Variants in SPEF2 observed in about 807,000 individuals in gnomAD.
SPEF2 encodes the protein sperm flagella and cilia-associated protein 2.
A neutral mutation model predicts 224.6 loss-of-function variants in SPEF2; 187 were observed. The ratio of observed to expected loss-of-function variants is 0.83; its 90% CI spans 0.74 to 0.94. SPEF2 has a LOEUF of 0.94. Ranked by LOEUF, SPEF2 falls within the 40% of genes least tolerant of loss-of-function variation. The probability of loss-of-function intolerance (pLI) is 0.00; values close to 1 mark genes in which losing one functional copy is unlikely to be tolerated. For missense variants in SPEF2, 2,170 were observed against 2,135.6 expected (o/e 1.02, Z -0.32); for synonymous variants, 715 against 707.3 (o/e 1.01, Z -0.17).
At chr5:35,806,539 T>C (rs894880585) in intron 34 of SPEF2, among the ~76,000 whole-genome samples, 168 bp from the exon 35 acceptor site, 9 of 152,232 alleles carry the variant, frequency 5.9e-5, no homozygotes, top group African/African-American at 2.2e-4. Flanking sequence ...TTTGACATTG[T>C]AATTTTCAAG....
chr5:35,628,793 T>G (rs1048899430), intron 2 of SPEF2, among the ~76,000 whole-genome samples: 2 of 152,126 alleles, frequency 1.3e-5, no homozygotes, highest in South Asian at 2.1e-4. Context: ...GGTTTTTCCC[T>G]GTTGCCCAGG....
chr5:35,738,120 T>C (rs1580519472), intron 21 of SPEF2, among the ~76,000 whole-genome samples: 1 of 152,202 alleles, frequency 6.6e-6, no homozygotes, highest in East Asian at 1.9e-4. Context: ...ATTAGCCCTT[T>C]GTCAGATGAG....
At chr5:35,793,685 T>TC (rs1415331920) in intron 32 of SPEF2, among the ~76,000 whole-genome samples, 4 of 151,802 alleles carry the variant, frequency 2.6e-5, no homozygotes, top group Non-Finnish European at 5.9e-5. Flanking sequence ...AGGTCCAATG[T>TC]CCAATACTCT....
At chr5:35,708,629 C>CCAT (rs1170276483) in intron 18 of SPEF2, among the ~76,000 whole-genome samples, 1 of 152,064 alleles carries the variant, frequency 6.6e-6, no homozygotes, top group Non-Finnish European at 1.5e-5. Context: ...ACCTCCACCA[C>CCAT]CATCACCTCT....
intron 23 of SPEF2, among the ~76,000 whole-genome samples, chr5:35,748,588 TC>T (rs1224983208): frequency 6.6e-6 from 1 of 152,134 alleles, no homozygotes; most frequent in African/African-American, 2.4e-5. Flanking sequence ...TTGGATATAT[TC>T]CTGGAAAAAT....
intron 6 of SPEF2, among the ~76,000 whole-genome samples, chr5:35,650,903 A>G (rs1040958999): frequency 6.8e-6 from 1 of 148,112 alleles, no homozygotes; most frequent in Non-Finnish European, 1.5e-5. Flanking sequence ...TAGAAATCAG[A>G]AGGTAAGCAG....
intron 23 of SPEF2, among the ~76,000 whole-genome samples, chr5:35,741,676 G>A (rs567196247): frequency 6.6e-6 from 1 of 152,302 alleles, no homozygotes; most frequent in South Asian, 2.1e-4. Context: ...TAGAAGCAAG[G>A]CGTCATTGTG....
At chr5:35,688,829 A>C (rs2149526053) in intron 10 of SPEF2, among the ~76,000 whole-genome samples, 1 of 152,358 alleles carries the variant, frequency 6.6e-6, no homozygotes, top group Non-Finnish European at 1.5e-5. Flanking sequence ...TGAAAACAAC[A>C]GTATATGCTA....
In SPEF2 at chr5:35,671,622, G is replaced by A. The variant is rs578012439; in HGVS notation, c.1524+1395G>A. 6 of 665,930 alleles carry A rather than the reference G, an allele frequency of 9.0e-6. No homozygotes were observed. In the Admixed American group the frequency reaches 1.9e-4, roughly 21 times the overall value. 41.3% of individuals were successfully genotyped at this position (665,930 alleles called of 1,614,324 possible). On this transcript the variant is annotated intron_variant, in intron 10 of 36. Transcript: ENST00000356031. Reference sequence around the variant, plus strand: ...TTATTTCTAAATTACTTGCTAAACAGCTCAATCTCTATTCTTGTTGCTCTT... The same window carrying A: ...TTATTTCTAAATTACTTGCTAAACAACTCAATCTCTATTCTTGTTGCTCTT...
At chr5:35,803,945 A>C (rs2149864595) in intron 34 of SPEF2, among the ~76,000 whole-genome samples, 1 of 152,378 alleles carries the variant, frequency 6.6e-6, no homozygotes. Flanking sequence ...GGCATTCATC[A>C]GTAATGCCCT....
At chr5:35,791,645 T>C (rs1755973551) in intron 30 of SPEF2, 1 of 152,156 alleles carries the variant, frequency 6.6e-6, no homozygotes, top group Admixed American at 6.5e-5. Flanking sequence ...TTTTCTTATT[T>C]ATTTCTTAAT....
intron 3 of SPEF2, among the ~76,000 whole-genome samples, chr5:35,644,088 T>A (rs959636147): frequency 1.3e-5 from 2 of 152,188 alleles, no homozygotes; most frequent in African/African-American, 2.4e-5. Context: ...ATACCATTTA[T>A]TGAAAATTTA....
At chr5:35,649,051 T>A (rs56714893) in intron 5 of SPEF2, among the ~76,000 whole-genome samples, 1,875 of 151,824 alleles carry the variant, frequency 0.012, 36 homozygotes, top group African/African-American at 0.042. Flanking sequence ...AAAGGAAATA[T>A]TTGTATCCAA....
At chr5:35,804,504 C>T (rs141831359) in intron 34 of SPEF2, among the ~76,000 whole-genome samples, 333 of 152,258 alleles carry the variant, frequency 2.2e-3, no homozygotes, top group African/African-American at 7.6e-3. Flanking sequence ...CTCTTGCACA[C>T]GTTTCCCTCT....
At position 35,814,497 on chromosome 5, in the gene SPEF2, G is replaced by A. The variant is rs749997211; in HGVS notation, c.5413G>A (p.Val1805Ile). 1 of 1,608,622 alleles carries A rather than the reference G, an allele frequency of 6.2e-7. No homozygotes were observed. The highest frequency in any genetic ancestry group is 8.5e-7 in the Non-Finnish European group (1 of 1,176,860). The change falls in exon 37 of 37, where the codon GTA (valine) becomes ATA (isoleucine). Residue 1805 changes from valine (V) to isoleucine (I), a missense_variant. Physicochemically the swap from Val to Ile is conservative, Grantham distance 29. Coordinates refer to ENST00000356031, the MANE Select transcript of SPEF2 (RefSeq NM_024867.4). Reference sequence around the variant, plus strand: ...AATAATTCTCCAAAGGAGTGAACATGTACAAGGAAGTGATGGAGAGAGATC... The same window carrying A: ...AATAATTCTCCAAAGGAGTGAACATATACAAGGAAGTGATGGAGAGAGATC... The part of the protein sequence containing the change: ...IKIILQRSEH[V>I]QGSDGERSPS...
intron 10 of SPEF2, among the ~76,000 whole-genome samples, chr5:35,684,396 A>G (rs1753277592): frequency 6.6e-6 from 1 of 152,118 alleles, no homozygotes; most frequent in Non-Finnish European, 1.5e-5. Flanking sequence ...TGCTTATCTC[A>G]CAGGTCAGGC....
intron 10 of SPEF2, chr5:35,675,941 C>T (rs958361453): frequency 2.0e-5 from 9 of 456,040 alleles, no homozygotes; most frequent in Non-Finnish European, 4.0e-5. Context: ...AGAAGATGAA[C>T]TTGGGTCATG....
chr5:35,763,371 T>G, intron 25 of SPEF2, 151 bp from the exon 26 acceptor site: 1 of 755,686 alleles, frequency 1.3e-6, no homozygotes, highest in Non-Finnish European at 2.0e-6. Flanking sequence ...CAGTGTTTTA[T>G]AATCTTTTCT....
At chr5:35,682,915 C>T (rs184255795) in intron 10 of SPEF2, among the ~76,000 whole-genome samples, 90 of 152,220 alleles carry the variant, frequency 5.9e-4, no homozygotes, top group Admixed American at 2.5e-3. Context: ...ACTTGGGCAA[C>T]GTTACAATCA....
Sources: gnomAD v4.1 joint callset for allele counts (sites outside exome capture counted in the v4.1 genomes callset) on GRCh38, gnomAD v4.1.1 for gene constraint, MANE v1.5 for transcripts, NCBI Gene and HGNC (gene_info 2026-07-23, HGNC 2026-07-21) for gene names.